Variants in RGPD3 observed in about 807,000 individuals in gnomAD.
RGPD3 encodes RANBP2 like and GRIP domain containing 3, also known as ranBP2-like and GRIP domain-containing protein 3.
RGPD3 carries 62 observed loss-of-function variants against 154.5 expected under a neutral mutation model. The ratio of observed to expected loss-of-function variants is 0.40; its 90% CI spans 0.33 to 0.50. The LOEUF (loss-of-function observed/expected upper bound fraction) is 0.50, where lower values mean the gene tolerates loss of function less well. Ranked by LOEUF, RGPD3 falls within the 20% of genes least tolerant of loss-of-function variation. The pLI, the probability that RGPD3 is intolerant of heterozygous loss-of-function variation, is 0.59. For missense variants in RGPD3, 919 were observed against 1,716.8 expected (o/e 0.54, Z 8.21); for synonymous variants, 308 against 607.0 (o/e 0.51, Z 7.24).
At chr2:106,446,254 G>A (rs1207397407) in intron 7 of RGPD3, among the ~76,000 whole-genome samples, 28 of 120,614 alleles carry the variant, frequency 2.3e-4, no homozygotes, top group Non-Finnish European at 4.4e-4. Flanking sequence ...CAAAAGTTAT[G>A]CAGGCTCATT....
At chr2:106,470,764 A>G (rs1285371177), upstream of RGPD3, 3 of 1,569,864 alleles carry the variant, frequency 1.9e-6, no homozygotes, top group East Asian at 4.5e-5. Context: ...TCTTTAAAAA[A>G]TGTTAACTTT....
At position 106,467,542 on chromosome 2, in the gene RGPD3, C is replaced by G. The variant is rs74180290; in HGVS notation, c.72+675G>C. 4.3e-5 allele frequency among the ~76,000 whole-genome samples: 5 copies of G among 116,766 alleles called. 1 individual carries two copies. The highest frequency in any genetic ancestry group is 1.1e-4 in the African/African-American group (3 of 28,250). The allele number at this position is 116,766 out of a possible 152,430, so 76.6% of individuals were successfully genotyped here. ...CGCCGCTGGGCCGGGTTGAGGCCGCCGCCTCAACAGAGCGTGCCAGGGAGC... is the reference window on the plus strand; with the variant it reads ...CGCCGCTGGGCCGGGTTGAGGCCGCGGCCTCAACAGAGCGTGCCAGGGAGC... On this transcript the variant is annotated intron_variant, in intron 1 of 22. Coordinates refer to ENST00000409886, the MANE Select transcript of RGPD3 (RefSeq NM_001144013.2).
chr2:106,421,056 C>A (rs1177791749), intron 20 of RGPD3, among the ~76,000 whole-genome samples: 1 of 152,182 alleles, frequency 6.6e-6, no homozygotes, highest in Non-Finnish European at 1.5e-5. Context: ...TCATTATAAA[C>A]AAAAACTTAG....
chr2:106,408,779 T>G (rs1450534994), intron 22 of RGPD3, among the ~76,000 whole-genome samples: 1 of 152,064 alleles, frequency 6.6e-6, no homozygotes, highest in Non-Finnish European at 1.5e-5. Flanking sequence ...CTCGAACCCC[T>G]TATAACAAAG....
At chr2:106,445,360 T>C (rs1236551227) in intron 7 of RGPD3, among the ~76,000 whole-genome samples, 20 of 150,662 alleles carry the variant, frequency 1.3e-4, no homozygotes, top group Non-Finnish European at 1.5e-5. Context: ...AACCTTTTAA[T>C]GTTTGTATTA....
chr2:106,413,947 T>C (rs1033026230), intron 21 of RGPD3, among the ~76,000 whole-genome samples: 4 of 152,282 alleles, frequency 2.6e-5, no homozygotes, highest in African/African-American at 7.2e-5. Context: ...CAGTATGGCA[T>C]GGGGCTCTGA....
At position 106,423,647 on chromosome 2, in the gene RGPD3, TTTTC is replaced by T. The variant is rs1677076301; in HGVS notation, c.4316_4319del (p.Arg1439LysfsTer2). 1 of 1,605,790 alleles carries T rather than the reference TTTTC, an allele frequency of 6.2e-7. No individual in the cohort carries two copies. Among genetic ancestry groups the T allele is most frequent in the Non-Finnish European group, 8.5e-7 (1 of 1,178,032 alleles). On this transcript the variant is annotated frameshift_variant, in exon 20 of 23. Coordinates refer to ENST00000409886, the MANE Select transcript of RGPD3 (RefSeq NM_001144013.2). LOFTEE classifies it high-confidence loss of function. The stretch of plus-strand genomic sequence containing the variant: ...TAAAACGAACAGCTAAATGCTCTAC[TTTTC>T]TTTCTCCATCTGCAAAATCACATGC...
chr2:106,466,900 C>A (rs372554680), intron 1 of RGPD3, among the ~76,000 whole-genome samples: 130 of 97,332 alleles, frequency 1.3e-3, no homozygotes, highest in African/African-American at 4.1e-3. Flanking sequence ...GGGTCGAGGC[C>A]GCCGCCTCCA....
chr2:106,425,047 C>A lies in RGPD3; in HGVS notation c.2920G>T (p.Asp974Tyr). Residue 974 changes from aspartate (D) to tyrosine (Y), a missense_variant, in exon 20 of 23, where the codon GAT (aspartate) becomes TAT (tyrosine). Asp to Tyr is a radical substitution (Grantham distance 160, BLOSUM62 -3). Coordinates refer to ENST00000409886, the MANE Select transcript of RGPD3 (RefSeq NM_001144013.2). ...GQTSSTFTFADVAKSTSGEGF... is the reference protein window; with the variant it reads ...GQTSSTFTFAYVAKSTSGEGF... The stretch of plus-strand genomic sequence containing the variant: ...TCTCCTGAAGTTGATTTTGCAACAT[C>A]TGCAAATGTAAAAGTGCTACTTGTT... The A allele has an allele frequency of 1.9e-6, 3 of 1,611,944 alleles. No homozygotes were observed. The highest frequency in any genetic ancestry group is 4.5e-5 in the East Asian group (2 of 44,870).
intron 6 of RGPD3, among the ~76,000 whole-genome samples, chr2:106,448,218 C>T (rs1677993352): frequency 6.6e-6 from 1 of 152,066 alleles, no homozygotes; most frequent in Non-Finnish European, 1.5e-5. Context: ...AGTGATTCTC[C>T]TGACTCAGCC....
At chr2:106,450,970 T>G (rs537538534) in intron 6 of RGPD3, among the ~76,000 whole-genome samples, 1 of 148,202 alleles carries the variant, frequency 6.7e-6, no homozygotes, top group Non-Finnish European at 1.5e-5. Flanking sequence ...GCGCCTGTGG[T>G]CCCAGCTACT....
chr2:106,425,360 G>T, intron 19 of RGPD3, 94 bp from the exon 20 acceptor site: 1 of 1,566,252 alleles, frequency 6.4e-7, no homozygotes, highest in Non-Finnish European at 8.6e-7. Flanking sequence ...TTTATCAAAT[G>T]ATGTTAACAA....
rs1677084209 is a variant in RGPD3, at chr2:106,423,801, T to A, written c.4166A>T (p.Asp1389Val). ...IGDIKILQNY[D>V]NKHVRILMRR... ...CATCAGTATACGAACGTGCTTATTA[T>A]CATAATTCTGTAAAATCTTTATATC... is the stretch of plus-strand genomic sequence containing the variant. The change falls in exon 20 of 23, where the codon GAT (aspartate) becomes GTT (valine). Residue 1389 changes from aspartate (D) to valine (V), a missense_variant. By Grantham distance (152) the Asp-to-Val change is radical. Transcript: ENST00000409886. 1.2e-6 allele frequency: 2 copies of A among 1,612,010 alleles called. No individual in the cohort carries two copies. The highest frequency in any genetic ancestry group is 2.7e-5 in the African/African-American group (2 of 74,942).
At chr2:106,411,465 T>C (rs377743684) in intron 22 of RGPD3, among the ~76,000 whole-genome samples, 2 of 145,460 alleles carry the variant, frequency 1.4e-5, no homozygotes, top group African/African-American at 2.5e-5. Context: ...ATAGCATAAA[T>C]GACCACTTTC....
Position 106,424,099 on chromosome 2 carries a change from T to C in RGPD3, c.3868A>G (p.Thr1290Ala), listed in dbSNP as rs770982152. ...GATTTAAAACTGAAGTTAGATCCTG[T>C]TGTTGACTCATCAAAGTGGAAAAGA... is the stretch of plus-strand genomic sequence containing the variant. ...KNLFHFDEST[T>A]GSNFSFKSAL... Residue 1290 changes from threonine (T) to alanine (A), a missense_variant, in exon 20 of 23, where the codon ACA becomes GCA. Transcript: ENST00000409886. The C allele has an allele frequency of 5.6e-6, 9 of 1,603,868 alleles. No individual in the cohort carries two copies. The highest frequency in any genetic ancestry group is 2.6e-6 in the Non-Finnish European group (3 of 1,174,374).
rs186890934 is a variant in RGPD3 at position 106,420,235 on chromosome 2, T to C, written c.4924+2808A>G. Among the ~76,000 whole-genome samples the C allele has an allele frequency of 9.8e-3, 1,375 of 140,244 alleles. 28 individuals carry two copies. Among genetic ancestry groups the C allele is most frequent in the African/African-American group, 0.034 (1,281 of 37,556 alleles). The allele number at this position is 140,244 out of a possible 152,430, so 92.0% of individuals were successfully genotyped here. On this transcript the variant is annotated intron_variant, in intron 20 of 22. Transcript: ENST00000409886. Reference sequence around the variant, plus strand: ...TGTTCAAGAATGATACTAGATAAAATTAAATAAAAACTGTTACTCTATGGG... The same window carrying C: ...TGTTCAAGAATGATACTAGATAAAACTAAATAAAAACTGTTACTCTATGGG...
At chr2:106,436,298 G>A (rs1042741483) in intron 11 of RGPD3, 52 bp from the exon 12 acceptor site, 85 of 1,610,772 alleles carry the variant, frequency 5.3e-5, no homozygotes, top group Admixed American at 1.0e-4. Context: ...ACAGTTCAGC[G>A]CTTACATACA....
At chr2:106,417,695 A>C (rs1558835755) in intron 20 of RGPD3, among the ~76,000 whole-genome samples, 1 of 151,054 alleles carries the variant, frequency 6.6e-6, no homozygotes, top group African/African-American at 2.5e-5. Flanking sequence ...TTAAAGGTTA[A>C]GTATGAGATT....
Position 106,414,247 on chromosome 2 carries a change from A to G in RGPD3, c.5065-962T>C, listed in dbSNP as rs566838485. 5.0e-3 allele frequency among the ~76,000 whole-genome samples: 757 copies of G among 152,248 alleles called. 7 individuals are homozygous for G. Among genetic ancestry groups the G allele is most frequent in the African/African-American group, 0.017 (686 of 41,542 alleles). On this transcript the variant is annotated intron_variant, in intron 21 of 22. Transcript: ENST00000409886. The stretch of plus-strand genomic sequence containing the variant: ...TTAGGTTAGGCAAGAAAGTTAGCGA[A>G]CTTTGTCCTCAAACCTAGGACCATT...
Sources: gnomAD v4.1 joint callset for allele counts (sites outside exome capture counted in the v4.1 genomes callset) on GRCh38, gnomAD v4.1.1 for gene constraint, MANE v1.5 for transcripts, NCBI Gene and HGNC (gene_info 2026-07-23, HGNC 2026-07-21) for gene names.